Variants in POLR3B observed in about 807,000 individuals in gnomAD.
POLR3B encodes the protein RNA polymerase III subunit B.
In POLR3B, 96 loss-of-function variants were observed where a neutral mutation model predicts 147.4. That is an observed-to-expected ratio of 0.65 (90% CI 0.55 to 0.77). POLR3B has a LOEUF of 0.77. POLR3B is among the 30% of genes least tolerant of loss of function. The pLI is 0.00. For synonymous variants in POLR3B, 461 were observed against 485.9 expected (o/e 0.95, Z 0.67); for missense variants, 1,036 against 1,413.5 (o/e 0.73, Z 4.28).
intron 11 of POLR3B, among the ~76,000 whole-genome samples, chr12:106,406,762 T>G (rs1169420145): frequency 1.3e-5 from 2 of 152,174 alleles, no homozygotes; most frequent in African/African-American, 2.4e-5. Flanking sequence ...GCATGTGGGG[T>G]GTTGGCAAGA....
In POLR3B at chr12:106,496,867, G is replaced by A. The variant is rs117293015; in HGVS notation, c.2933G>A (p.Arg978His). 367 of 1,613,974 alleles carry A rather than the reference G, an allele frequency of 2.3e-4. No homozygotes were observed. The highest frequency in any genetic ancestry group is 3.0e-4 in the Non-Finnish European group (356 of 1,179,934). Residue 978 changes from arginine to histidine, a missense_variant, in exon 25 of 28, where the codon CGC (arginine) becomes CAC (histidine). Around this residue, in one of 12 missense-constraint regions of POLR3B, gnomAD observed 88 missense variants for 87.5 expected, o/e 1.01. Transcript: ENST00000228347. ...AAGGATGTGTGTGAGGACCTCGTTC[G>A]CCATGGTTATAACTACTTGGGGAAA... ...KVKDVCEDLVRHGYNYLGKDY... is the reference protein window; with the variant it reads ...KVKDVCEDLVHHGYNYLGKDY...
chr12:106,453,739 A>G (rs998971384), intron 19 of POLR3B, among the ~76,000 whole-genome samples: 1 of 152,116 alleles, frequency 6.6e-6, no homozygotes, highest in Non-Finnish European at 1.5e-5. Context: ...GAAATGAGAG[A>G]AAGGGTTAAC....
At chr12:106,386,298 G>T (rs2036836383) in intron 9 of POLR3B, among the ~76,000 whole-genome samples, 1 of 146,108 alleles carries the variant, frequency 6.8e-6, no homozygotes, top group Non-Finnish European at 1.5e-5. Flanking sequence ...AGGCGAAATC[G>T]CACCACTGCA....
Position 106,357,866 on chromosome 12 carries a change from C to G in POLR3B, c.-14C>G. ...GCGGAGGTTCTATCTGTTTCTTCCT[C>G]CTTCGTGAGCAGCATGGACGTGCTA... On this transcript the variant is annotated 5_prime_UTR_variant, in exon 1 of 28. Transcript: ENST00000228347. 1 of 1,612,952 alleles carries G rather than the reference C, an allele frequency of 6.2e-7. No individual in the cohort carries two copies. The highest frequency in any genetic ancestry group is 1.7e-5 in the Admixed American group (1 of 59,914).
chr12:106,362,883 A>T (rs984662608), intron 1 of POLR3B, among the ~76,000 whole-genome samples: 1 of 152,042 alleles, frequency 6.6e-6, no homozygotes, highest in East Asian at 1.9e-4. Context: ...TTTTATAGTT[A>T]TGTGCTCTAT....
At chr12:106,388,365 T>A (rs1249132740) in intron 9 of POLR3B, among the ~76,000 whole-genome samples, 1 of 151,962 alleles carries the variant, frequency 6.6e-6, no homozygotes, top group Non-Finnish European at 1.5e-5. Flanking sequence ...GTCACCAGGC[T>A]AGAGTGCAGT....
chr12:106,432,774 T>C (rs1593038453), intron 15 of POLR3B, among the ~76,000 whole-genome samples: 1 of 152,160 alleles, frequency 6.6e-6, no homozygotes, highest in South Asian at 2.1e-4. Context: ...TTCAACATGG[T>C]ATCTTTAAGT....
chr12:106,387,166 A>G (rs765875041), intron 9 of POLR3B, among the ~76,000 whole-genome samples: 2 of 152,248 alleles, frequency 1.3e-5, no homozygotes, highest in Admixed American at 6.5e-5. Flanking sequence ...ATATTTTTCC[A>G]GACAGTTTTC....
Position 106,393,084 on chromosome 12 carries a change from G to A in POLR3B, c.777G>A (p.Glu259=). The part of the protein sequence containing the change: ...QEIVQMIGTE[E]HVMAAFGPSL... ...TTGTGCAGATGATTGGAACAGAGGA[G>A]CACGTGATGGCTGCATTTGGGCCCA... The change falls in exon 10 of 28, where the codon GAG becomes GAA. Residue 259 remains glutamate (E), a synonymous_variant. Coordinates refer to ENST00000228347, the MANE Select transcript of POLR3B (RefSeq NM_018082.6). 3 of 1,614,196 alleles carry A rather than the reference G, an allele frequency of 1.9e-6. No homozygotes were observed. Among genetic ancestry groups the A allele is most frequent in the Non-Finnish European group, 2.5e-6 (3 of 1,180,010 alleles).
chr12:106,437,020 G>A (rs770941984), intron 16 of POLR3B, 37 bp from the exon 17 acceptor site: 2 of 1,525,750 alleles, frequency 1.3e-6, no homozygotes, highest in South Asian at 1.1e-5. Flanking sequence ...TTTTTCCCTG[G>A]AACTATTATT....
At chr12:106,407,930 A>C (rs1258055880) in intron 11 of POLR3B, among the ~76,000 whole-genome samples, 1 of 152,208 alleles carries the variant, frequency 6.6e-6, no homozygotes, top group Non-Finnish European at 1.5e-5. Flanking sequence ...TAAAGTCAGA[A>C]TAGATGGTTC....
At chr12:106,446,734 A>G (rs1443316400) in intron 19 of POLR3B, among the ~76,000 whole-genome samples, 2 of 152,224 alleles carry the variant, frequency 1.3e-5, no homozygotes, top group Non-Finnish European at 2.9e-5. Flanking sequence ...AAGCCACTGA[A>G]TATCTTAAGT....
Position 106,437,753 on chromosome 12 carries a change from TGC to T in POLR3B, c.1930_1931del (p.Ala644ThrfsTer7). The T allele has an allele frequency of 2.5e-6, 4 of 1,594,038 alleles. No individual in the cohort carries two copies. Among genetic ancestry groups the T allele is most frequent in the Non-Finnish European group, 3.4e-6 (4 of 1,161,870 alleles). ...TGAATGAAGAAAATGATTGTAACAT[TGC>T]ACTGTACGAACACACAATTAATAAG... ...DVNEENDCNI[A>X]LYEHTINKDT... On this transcript the variant is annotated frameshift_variant, in exon 18 of 28. Coordinates refer to ENST00000228347, the MANE Select transcript of POLR3B (RefSeq NM_018082.6). LOFTEE classifies it high-confidence loss of function.
intron 25 of POLR3B, among the ~76,000 whole-genome samples, chr12:106,498,900 G>A (rs773197379): frequency 3.9e-5 from 6 of 152,180 alleles, no homozygotes; most frequent in Non-Finnish European, 8.8e-5. Context: ...TAAACCACTT[G>A]AACACTAGTG....
At chr12:106,500,629 A>C (rs1475659545) in intron 25 of POLR3B, among the ~76,000 whole-genome samples, 2 of 152,194 alleles carry the variant, frequency 1.3e-5, no homozygotes, top group Non-Finnish European at 2.9e-5. Context: ...GAGCAGGTGA[A>C]ATGTTTGACA....
chr12:106,386,005 A>G lies in POLR3B; in HGVS notation c.723+5866A>G, dbSNP rs1432834520. ...TTGACTTTTCTTGTAGGGATCCCAC[A>G]GTGCCCAATGCAGTGTTTTATGTAC... On this transcript the variant is annotated intron_variant, in intron 9 of 27. Transcript: ENST00000228347. 2.0e-5 allele frequency among the ~76,000 whole-genome samples: 3 copies of G among 152,220 alleles called. No individual in the cohort carries two copies. In the East Asian group the frequency reaches 5.8e-4, roughly 29 times the overall value.
chr12:106,409,651 G>A (rs2037197509), intron 11 of POLR3B, among the ~76,000 whole-genome samples: 1 of 148,050 alleles, frequency 6.8e-6, no homozygotes, highest in African/African-American at 2.5e-5. Context: ...ACAACAAAAT[G>A]TATGAAGGAG....
At chr12:106,425,675 A>G (rs1369510418) in intron 12 of POLR3B, among the ~76,000 whole-genome samples, 1 of 152,114 alleles carries the variant, frequency 6.6e-6, no homozygotes, top group Non-Finnish European at 1.5e-5. Context: ...ACAGAAAGGA[A>G]CTTGTGAGTG....
At chr12:106,420,067 A>G (rs990361877) in intron 12 of POLR3B, among the ~76,000 whole-genome samples, 6 of 152,080 alleles carry the variant, frequency 3.9e-5, no homozygotes, top group Non-Finnish European at 7.4e-5. Context: ...GAGTTGTCAC[A>G]TTCGGTGGCT....
Sources: gnomAD v4.1 joint callset for allele counts (sites outside exome capture counted in the v4.1 genomes callset) on GRCh38, gnomAD v4.1.1 for gene constraint, gnomAD v4.1.1 regional missense constraint, MANE v1.5 for transcripts, NCBI Gene and HGNC (gene_info 2026-07-23, HGNC 2026-07-21) for gene names.